The following DMD variants were observed in gnomAD, a reference collection of about 807,000 sequenced individuals.
DMD encodes mutant dystrophin.
DMD carries 63 observed loss-of-function variants against 330.1 expected under a neutral mutation model. That is an observed-to-expected ratio of 0.19 (90% confidence interval 0.16 to 0.24). The LOEUF (loss-of-function observed/expected upper bound fraction) is 0.24, where lower values mean the gene tolerates loss of function less well. DMD is among the 10% of genes least tolerant of loss of function. The pLI is 1.00. For synonymous variants in DMD, 1,223 were observed against 959.8 expected (o/e 1.27, Z -5.07); for missense variants, 3,344 against 2,684.1 (o/e 1.25, Z -5.43).
intron 2 of DMD, among the ~76,000 whole-genome samples, chrX:32,871,984 T>C (rs1166310933): frequency 9.0e-6 from 1 of 110,698 alleles, no homozygotes; most frequent in East Asian, 2.9e-4. Flanking sequence ...TTCTGGGCAC[T>C]CCAGGCATGA....
At chrX:32,401,731 A>G (rs1472290730) in intron 30 of DMD, among the ~76,000 whole-genome samples, 2 of 112,694 alleles carry the variant, frequency 1.8e-5, no homozygotes, top group Admixed American at 9.4e-5. Context: ...AATTTTTTAT[A>G]TCACAAAGGA....
intron 7 of DMD, among the ~76,000 whole-genome samples, chrX:32,748,043 C>A (rs1294908735): frequency 1.8e-5 from 2 of 110,941 alleles, no homozygotes; most frequent in Non-Finnish European, 1.9e-5. Context: ...TCCCTTTTAT[C>A]CTTAAAGAAA....
chrX:31,594,372 T>A (rs935481580), intron 55 of DMD, among the ~76,000 whole-genome samples: 1 of 111,039 alleles, frequency 9.0e-6, no homozygotes, highest in Non-Finnish European at 1.9e-5. Flanking sequence ...TTTCGACTTC[T>A]GGTCTGAAGA....
chrX:31,639,684 T>C (rs1009003663), intron 54 of DMD, among the ~76,000 whole-genome samples: 1 of 112,033 alleles, frequency 8.9e-6, no homozygotes, highest in Non-Finnish European at 1.9e-5. Context: ...TGATCCTGCC[T>C]GAATAACTGC....
At chrX:32,349,260 T>C (rs2097773888) in intron 37 of DMD, among the ~76,000 whole-genome samples, 1 of 111,394 alleles carries the variant, frequency 9.0e-6, no homozygotes, top group Admixed American at 9.6e-5. Flanking sequence ...TGAAAAGACA[T>C]GGAAAATCAA....
At chrX:31,738,190 G>A (rs1019600657) in intron 51 of DMD, among the ~76,000 whole-genome samples, 6 of 111,456 alleles carry the variant, frequency 5.4e-5, no homozygotes, top group Non-Finnish European at 7.5e-5. Flanking sequence ...ATACCCATAC[G>A]TAAAAAGTGT....
intron 54 of DMD, among the ~76,000 whole-genome samples, chrX:31,642,933 C>T (rs373925485): frequency 7.1e-5 from 8 of 112,055 alleles, no homozygotes; most frequent in African/African-American, 2.6e-4. Flanking sequence ...ACTATCTGTT[C>T]GCTTTGCGGT....
chrX:31,683,769 T>G (rs767621832), intron 52 of DMD, among the ~76,000 whole-genome samples: 3 of 112,070 alleles, frequency 2.7e-5, no homozygotes, highest in Admixed American at 1.9e-4. Context: ...AGAAAGATTT[T>G]CAAAAACACA....
chrX:32,310,653 C>T (rs1420924618), intron 41 of DMD, among the ~76,000 whole-genome samples: 1 of 110,519 alleles, frequency 9.0e-6, no homozygotes, highest in Non-Finnish European at 1.9e-5. Flanking sequence ...TCCTGGAAAT[C>T]TAGATATGGG....
intron 2 of DMD, among the ~76,000 whole-genome samples, chrX:32,944,851 C>G (rs1201888134): frequency 9.0e-6 from 1 of 110,786 alleles, no homozygotes; most frequent in South Asian, 3.9e-4. Context: ...GGTGATCCAC[C>G]CGCCTCGGCC....
chrX:32,132,549 T>C (rs2096701208), intron 44 of DMD, among the ~76,000 whole-genome samples: 1 of 111,617 alleles, frequency 9.0e-6, no homozygotes, highest in Non-Finnish European at 1.9e-5. Flanking sequence ...CTTTTCGAGA[T>C]ACTACGTTAA....
chrX:31,224,303 C>T (rs774859967), intron 63 of DMD, among the ~76,000 whole-genome samples: 12 of 112,036 alleles, frequency 1.1e-4, no homozygotes, highest in South Asian at 3.7e-4. Context: ...ATGACACCTA[C>T]GAAACCAATT....
chrX:32,863,565 C>A (rs751919669), intron 2 of DMD, among the ~76,000 whole-genome samples: 3 of 94,982 alleles, frequency 3.2e-5, no homozygotes, highest in Non-Finnish European at 6.4e-5. Flanking sequence ...CACACACACA[C>A]ACACACACAA....
intron 1 of DMD, among the ~76,000 whole-genome samples, chrX:33,117,487 A>G (rs1024786358): frequency 7.2e-5 from 8 of 111,833 alleles, no homozygotes; most frequent in Non-Finnish European, 7.5e-5. Flanking sequence ...AATATACCCA[A>G]TCGCCATTTG....
chrX:31,394,718 C>T (rs1326411519), intron 60 of DMD, among the ~76,000 whole-genome samples: 5 of 111,268 alleles, frequency 4.5e-5, no homozygotes, highest in East Asian at 5.6e-4. Context: ...TGCTTGAACC[C>T]GGGAGCCAGA....
At chrX:32,655,591 G>A (rs1011716256) in intron 9 of DMD, among the ~76,000 whole-genome samples, 2 of 111,412 alleles carry the variant, frequency 1.8e-5, no homozygotes, top group African/African-American at 3.3e-5. Flanking sequence ...AGTGTGATGT[G>A]GTGCTGAGAA....
chrX:32,231,852 T>A (rs66774926), intron 43 of DMD, among the ~76,000 whole-genome samples: 25,495 of 110,656 alleles, frequency 0.23, 2,352 homozygotes, highest in East Asian at 0.47. Context: ...TTGCAGCATT[T>A]AAAAAAGTGA....
rs749997816 is a variant in DMD at position 33,032,824 on chromosome X, G to A, written c.32-12624C>T. Among the ~76,000 whole-genome samples, 244 of 112,322 alleles carry A rather than the reference G, an allele frequency of 2.2e-3. 5 individuals carry two copies. The highest frequency in any genetic ancestry group is 0.014 in the Middle Eastern group (3 of 218). On this transcript the variant is annotated intron_variant, in intron 1 of 78. Coordinates refer to ENST00000357033, the MANE Select transcript of DMD (RefSeq NM_004006.3). ...TTCCACCTTGTGCCAAATACTGAAA[G>A]CACTTAAAACAGAAATAAAGTTTCG...
At chrX:32,062,863 AATGTAGAGTT>A (rs2096235861) in intron 44 of DMD, among the ~76,000 whole-genome samples, 1 of 110,377 alleles carries the variant, frequency 9.1e-6, no homozygotes, top group African/African-American at 3.3e-5. Flanking sequence ...ACAGAAACTG[AATGTAGAGTT>A]GGAACTGATA....
Sources: gnomAD v4.1 joint callset for allele counts (sites outside exome capture counted in the v4.1 genomes callset) on GRCh38, gnomAD v4.1.1 for gene constraint, MANE v1.5 for transcripts, NCBI Gene and HGNC (gene_info 2026-07-23, HGNC 2026-07-21) for gene names.